The following JAK2 variants were observed in gnomAD, a reference collection of about 807,000 sequenced individuals.
JAK2 encodes Janus kinase 2.
Under a neutral mutation model 139.3 loss-of-function variants are expected in JAK2, and 86 were observed. That is an observed-to-expected ratio of 0.62 (90% CI 0.52 to 0.74). The LOEUF is 0.74. Ranked by LOEUF, JAK2 falls within the 30% of genes least tolerant of loss-of-function variation. The pLI is 0.00. For synonymous variants in JAK2, 490 were observed against 437.7 expected, an observed-to-expected ratio of 1.12 and a Z score of -1.49; for missense variants, 1,421 against 1,360.3, an observed-to-expected ratio of 1.04 and a Z score of -0.70.
rs1822577864 is a variant in JAK2, at chr9:5,111,784, C to T, written c.3060-11220C>T. The T allele has an allele frequency of 9.5e-6, 4 of 422,510 alleles. No individual in the cohort carries two copies. The Admixed American group carries it at 1.1e-4, about 12-fold the overall frequency. 26.2% of individuals were successfully genotyped at this position (422,510 alleles called of 1,614,324 possible). ...ACGGTGGGCTTCCGGCTGCATCCAC[C>T]TTCTCCTTGGCCCCCGGAGCCACGT... On this transcript the variant is annotated intron_variant, in intron 22 of 24. Transcript: ENST00000381652.
intron 23 of JAK2, among the ~76,000 whole-genome samples, chr9:5,125,103 AG>A (rs1170834227): frequency 6.6e-6 from 1 of 151,350 alleles, no homozygotes; most frequent in Non-Finnish European, 1.5e-5. Flanking sequence ...AATATGGAAA[AG>A]TATGAAAAAA....
intron 2 of JAK2, among the ~76,000 whole-genome samples, chr9:5,012,694 A>G (rs1057166615): frequency 1.3e-5 from 2 of 152,244 alleles, no homozygotes; most frequent in Non-Finnish European, 2.9e-5. Flanking sequence ...CCTGCTAAGA[A>G]TAGATCGTTT....
chr9:5,114,932 AAAACAAAC>A lies in JAK2; in HGVS notation c.3060-8054_3060-8047del, dbSNP rs537669733. 2.9e-3 allele frequency: 514 copies of A among 178,384 alleles called. 9 individuals are homozygous for A. The Admixed American group carries it at 0.029, about 10-fold the overall frequency. 11.1% of individuals were successfully genotyped at this position (178,384 alleles called of 1,614,324 possible). A position where few individuals can be genotyped will look rare whatever the true frequency, so the allele number is the denominator to read the frequency against. On this transcript the variant is annotated intron_variant, in intron 22 of 24. Coordinates refer to ENST00000381652, the MANE Select transcript of JAK2 (RefSeq NM_004972.4). Reference sequence around the variant, plus strand: ...CCCCCAATAAACAGTGCCTGCTCAGAAAACAAACAAACAAACAAACAAACATAAAAACC... The same window carrying A: ...CCCCCAATAAACAGTGCCTGCTCAGAAAACAAACAAACAAACATAAAAACC...
chr9:5,023,631 C>G (rs996274228), intron 3 of JAK2, among the ~76,000 whole-genome samples: 3 of 152,220 alleles, frequency 2.0e-5, no homozygotes, highest in Non-Finnish European at 4.4e-5. Flanking sequence ...TGTGGAGTCT[C>G]TCCTAGCTTC....
At chr9:5,122,431 T>G (rs1382973355) in intron 22 of JAK2, among the ~76,000 whole-genome samples, 1 of 152,128 alleles carries the variant, frequency 6.6e-6, no homozygotes, top group African/African-American at 2.4e-5. Context: ...TTCTCCAGCA[T>G]ATTTATATGG....
chr9:5,042,124 CTTTTTTT>C (rs71326152), intron 4 of JAK2, among the ~76,000 whole-genome samples: 1,138 of 107,628 alleles, frequency 0.011, 6 homozygotes, highest in African/African-American at 0.016. Flanking sequence ...GCCAAAATTT[CTTTTTTT>C]TTTTTTTTTT....
intron 4 of JAK2, among the ~76,000 whole-genome samples, chr9:5,035,135 T>G (rs528932522): frequency 5.9e-5 from 9 of 152,120 alleles, no homozygotes; most frequent in East Asian, 1.9e-4. Flanking sequence ...AAATCTAGAA[T>G]AAATGGATAA....
chr9:5,110,383 C>T (rs528153583), intron 22 of JAK2: 46 of 152,402 alleles, frequency 3.0e-4, no homozygotes, highest in African/African-American at 1.1e-3. Flanking sequence ...TTCTCCACCT[C>T]AAGTCAGCTG....
intron 2 of JAK2, among the ~76,000 whole-genome samples, chr9:4,989,472 T>A (rs1820131148): frequency 6.6e-6 from 1 of 151,902 alleles, no homozygotes; most frequent in African/African-American, 2.4e-5. Context: ...CAACACACAG[T>A]GGAGAGCACA....
intron 8 of JAK2, among the ~76,000 whole-genome samples, chr9:5,061,843 T>C (rs1818197297): frequency 2.0e-5 from 3 of 152,230 alleles, no homozygotes; most frequent in Admixed American, 2.0e-4. Context: ...TTCTAGCTTT[T>C]GATTTAAAGT....
chr9:4,984,911 C>T (rs1175944355), upstream of JAK2: 1 of 152,318 alleles, frequency 6.6e-6, no homozygotes, highest in African/African-American at 2.4e-5. Flanking sequence ...TCCTTGCGCG[C>T]TCACGCCCAG....
At chr9:5,041,657 G>A in intron 4 of JAK2, 1 of 508,984 alleles carries the variant, frequency 2.0e-6, no homozygotes, top group South Asian at 1.5e-5. Flanking sequence ...ACGACTACCT[G>A]CGGAAGCTCT....
intron 2 of JAK2, among the ~76,000 whole-genome samples, chr9:5,015,417 G>A (rs921731792): frequency 2.0e-5 from 3 of 152,300 alleles, no homozygotes; most frequent in South Asian, 4.1e-4. Flanking sequence ...TTTTCATTGA[G>A]TTGACATATG....
chr9:5,012,413 TTAGTG>T (rs1821762445), intron 2 of JAK2, among the ~76,000 whole-genome samples: 1 of 152,020 alleles, frequency 6.6e-6, no homozygotes, highest in Non-Finnish European at 1.5e-5. Context: ...ATCAGGAACA[TTAGTG>T]TAGTATAAAC....
At chr9:5,011,064 T>C (rs1257362701) in intron 2 of JAK2, among the ~76,000 whole-genome samples, 1 of 152,242 alleles carries the variant, frequency 6.6e-6, no homozygotes, top group Non-Finnish European at 1.5e-5. Flanking sequence ...CTTTGGTTTT[T>C]AGCAGTTTGG....
At chr9:5,040,508 A>G (rs1262197833) in intron 4 of JAK2, among the ~76,000 whole-genome samples, 1 of 152,256 alleles carries the variant, frequency 6.6e-6, no homozygotes, top group Non-Finnish European at 1.5e-5. Context: ...CAAAAATGCG[A>G]AAAGACCACC....
intron 19 of JAK2, chr9:5,085,776 T>C (rs981807898): frequency 2.5e-5 from 19 of 754,384 alleles, no homozygotes; most frequent in Non-Finnish European, 4.0e-5. Flanking sequence ...GGAGTTATTA[T>C]GATGAATATT....
chr9:5,119,096 C>T (rs1823423137), intron 22 of JAK2, among the ~76,000 whole-genome samples: 1 of 152,032 alleles, frequency 6.6e-6, no homozygotes, highest in Non-Finnish European at 1.5e-5. Flanking sequence ...ATGATTTAAA[C>T]ACAGCAAACC....
Position 5,089,731 on chromosome 9 carries a change from G to A in JAK2, c.2629G>A (p.Glu877Lys). The A allele has an allele frequency of 6.3e-7, 1 of 1,581,280 alleles. No homozygotes were observed. The highest frequency in any genetic ancestry group is 8.6e-7 in the Non-Finnish European group (1 of 1,164,132). ...TGACCCTCTACAGGACAACACTGGG[G>A]AGGTGGTCGCTGTAAAAAAGCTTCA... is the stretch of plus-strand genomic sequence containing the variant. ...RYDPLQDNTG[E>K]VVAVKKLQHS... The change falls in exon 20 of 25, where the codon GAG becomes AAG. Residue 877 changes from glutamate (E) to lysine (K), a missense_variant. Glu to Lys is a moderately conservative substitution (Grantham distance 56). Coordinates refer to ENST00000381652, the MANE Select transcript of JAK2 (RefSeq NM_004972.4).
Sources: gnomAD v4.1 joint callset for allele counts (sites outside exome capture counted in the v4.1 genomes callset) on GRCh38, gnomAD v4.1.1 for gene constraint, MANE v1.5 for transcripts, NCBI Gene and HGNC (gene_info 2026-07-23, HGNC 2026-07-21) for gene names.